Variants in TMED2 observed in about 807,000 individuals in gnomAD.
TMED2 encodes transmembrane emp24 domain-containing protein 2.
TMED2 carries 3 observed loss-of-function variants against 17.5 expected under a neutral mutation model. The ratio of observed to expected loss-of-function variants is 0.17; its 90% CI spans 0.08 to 0.44. TMED2 has a LOEUF of 0.44. TMED2 is among the 20% of genes least tolerant of loss of function. TMED2 has a pLI of 0.99. For synonymous variants in TMED2, 95 were observed against 91.0 expected (o/e 1.04, Z -0.25); for missense variants, 149 against 254.8 (o/e 0.58, Z 2.83).
intron 2 of TMED2, among the ~76,000 whole-genome samples, chr12:123,588,592 G>A (rs551797268): frequency 2.6e-4 from 39 of 152,240 alleles, no homozygotes; most frequent in African/African-American, 8.7e-4. Flanking sequence ...TCTTGCTTTT[G>A]CTTGTTAATG....
rs551282942 is a variant in TMED2 at position 123,585,001 on chromosome 12, C to T, written c.180+185C>T. On this transcript the variant is annotated intron_variant, in intron 1 of 3. Coordinates refer to ENST00000262225, the MANE Select transcript of TMED2 (RefSeq NM_006815.4). ...CGGCGACCTCCTAACGGCCCCTTTT[C>T]CCGCGACTTGCCTGGGTTCCGGGAT... 248 of 699,910 alleles carry T rather than the reference C, an allele frequency of 3.5e-4. 1 individual carries two copies. In the African/African-American group the frequency reaches 3.8e-3, roughly 11 times the overall value. 43.4% of individuals were successfully genotyped at this position (699,910 alleles called of 1,614,324 possible).
intron 2 of TMED2, 113 bp from the exon 3 acceptor site, chr12:123,590,229 G>A: frequency 4.3e-6 from 3 of 694,008 alleles, no homozygotes; most frequent in Non-Finnish European, 6.6e-6. Context: ...GTTGCAGTGA[G>A]CTGAGATTGA....
At chr12:123,587,689 A>G (rs1358872451) in intron 2 of TMED2, 4 of 1,236,170 alleles carry the variant, frequency 3.2e-6, no homozygotes, top group African/African-American at 3.2e-5. Flanking sequence ...GCTAATGTCT[A>G]ATTTCTGCTT....
chr12:123,594,528 CAGG>C (rs1953416116), intron 3 of TMED2, among the ~76,000 whole-genome samples: 1 of 152,252 alleles, frequency 6.6e-6, no homozygotes, highest in African/African-American at 2.4e-5. Flanking sequence ...GAGCCTGAGG[CAGG>C]AGGATTGTTT....
chr12:123,587,807 C>G (rs1287455024), intron 2 of TMED2, among the ~76,000 whole-genome samples: 1 of 152,004 alleles, frequency 6.6e-6, no homozygotes, highest in African/African-American at 2.4e-5. Flanking sequence ...ATTTCGTTGA[C>G]AGGAGGTATA....
At chr12:123,584,867 A>T in intron 1 of TMED2, 51 bp downstream of exon 1, 1 of 1,592,166 alleles carries the variant, frequency 6.3e-7, no homozygotes, top group Non-Finnish European at 8.5e-7. Flanking sequence ...CCACTCGGGG[A>T]TTGGTGGCAC....
In TMED2 at chr12:123,598,475, GAA is replaced by G. The variant is rs1342466811; in HGVS notation, c.*1749_*1750del. 6.6e-6 allele frequency: 1 copy of G among 152,210 alleles called. No individual in the cohort carries two copies. The highest frequency in any genetic ancestry group is 1.5e-5 in the Non-Finnish European group (1 of 68,042). The allele number at this position is 152,210 out of a possible 1,614,324, so 9.4% of individuals were successfully genotyped here. On this transcript the variant is annotated 3_prime_UTR_variant, in exon 4 of 4. Coordinates refer to ENST00000262225, the MANE Select transcript of TMED2 (RefSeq NM_006815.4). ...ATTAAATGATTTGCCCAAGGCCACA[GAA>G]AAGAGTGAAAGGTGGAACCGGAGAC...
chr12:123,597,944 T>C lies in TMED2; in HGVS notation c.*1215T>C, dbSNP rs963166570. On this transcript the variant is annotated 3_prime_UTR_variant, in exon 4 of 4. Transcript: ENST00000262225. ...TTGTTACAGGTTTTCATGTTCAGGA[T>C]AAACCATACTTCCACCTTGGGTGAG... The C allele has an allele frequency of 6.6e-6, 1 of 152,320 alleles. No individual in the cohort carries two copies. The highest frequency in any genetic ancestry group is 1.5e-5 in the Non-Finnish European group (1 of 67,998). The allele number at this position is 152,320 out of a possible 1,614,324, so 9.4% of individuals were successfully genotyped here. A position where few individuals can be genotyped will look rare whatever the true frequency, so the allele number is the denominator to read the frequency against.
chr12:123,597,665 AG>A lies in TMED2; in HGVS notation c.*939del, dbSNP rs993263841. On this transcript the variant is annotated 3_prime_UTR_variant, in exon 4 of 4. Transcript: ENST00000262225. ...GGTACTGACCATCAGTGTCAGCATT[AG>A]GGTTTTGGTTTTTGTTTCTTTTGGG... 6.3e-4 allele frequency: 96 copies of A among 152,574 alleles called. 1 individual carries two copies. The highest frequency in any genetic ancestry group is 2.3e-3 in the African/African-American group (95 of 41,434). The allele number at this position is 152,574 out of a possible 1,614,324, so 9.5% of individuals were successfully genotyped here.
rs572618551 is a variant in TMED2, at chr12:123,598,547, G to A, written c.*1818G>A. 4.6e-5 allele frequency: 7 copies of A among 152,130 alleles called. No homozygotes were observed. The highest frequency in any genetic ancestry group is 7.2e-5 in the African/African-American group (3 of 41,428). 9.4% of individuals were successfully genotyped at this position (152,130 alleles called of 1,614,324 possible). On this transcript the variant is annotated 3_prime_UTR_variant, in exon 4 of 4. Coordinates refer to ENST00000262225, the MANE Select transcript of TMED2 (RefSeq NM_006815.4). ...ACTGTTCTTCCTCTGTGAAACTAAC[G>A]GCCTGCTGGTAATAAAAGTAGCTAC...
At position 123,597,081 on chromosome 12, in the gene TMED2, T is replaced by C. The variant is rs1463826834; in HGVS notation, c.*352T>C. The C allele has an allele frequency of 6.4e-6, 1 of 155,748 alleles. No homozygotes were observed. The highest frequency in any genetic ancestry group is 1.9e-4 in the East Asian group (1 of 5,308). The allele number at this position is 155,748 out of a possible 1,614,324, so 9.6% of individuals were successfully genotyped here. ...TTCAGGAAATCAGCACAAAGCCTGA[T>C]AGTACTTTACTAAAATGACTGCATT... On this transcript the variant is annotated 3_prime_UTR_variant, in exon 4 of 4. Coordinates refer to ENST00000262225, the MANE Select transcript of TMED2 (RefSeq NM_006815.4).
intron 1 of TMED2, chr12:123,585,049 G>A (rs1886314265): frequency 3.8e-6 from 2 of 526,832 alleles, no homozygotes. Context: ...CCTTCGGCAT[G>A]CTTGGTTGCT....
intron 1 of TMED2, 24 bp from the exon 2 acceptor site, chr12:123,586,723 T>C: frequency 1.3e-6 from 2 of 1,561,694 alleles, no homozygotes; most frequent in Non-Finnish European, 1.7e-6. Flanking sequence ...TGTGACATTT[T>C]ATGCATTTCT....
intron 1 of TMED2, 138 bp downstream of exon 1, chr12:123,584,954 A>AC: frequency 6.6e-6 from 7 of 1,068,612 alleles, no homozygotes; most frequent in Non-Finnish European, 9.0e-6. Flanking sequence ...CCAGGCCGCC[A>AC]CCCCCCGCCC....
chr12:123,590,633 T>G (rs1290599437), intron 3 of TMED2, 184 bp downstream of exon 3: 1 of 412,464 alleles, frequency 2.4e-6, no homozygotes, highest in Non-Finnish European at 4.5e-6. Flanking sequence ...AGTTTATTAT[T>G]GGGACATTCA....
chr12:123,588,006 C>T (rs1440780374), intron 2 of TMED2, among the ~76,000 whole-genome samples: 1 of 152,064 alleles, frequency 6.6e-6, no homozygotes, highest in African/African-American at 2.4e-5. Context: ...ACTTCTTAAC[C>T]TGAAGCTTAG....
rs773757590 is a variant in TMED2 at position 123,586,615 on chromosome 12, G to A, written c.181-132G>A. On this transcript the variant is annotated intron_variant, in intron 1 of 3. Coordinates refer to ENST00000262225, the MANE Select transcript of TMED2 (RefSeq NM_006815.4). ...TCTGCCTGCCTTGGCCTCCCAAAGTGCTGTGATTACAGGCGTGAGCCACCA... is the reference window on the plus strand; with the variant it reads ...TCTGCCTGCCTTGGCCTCCCAAAGTACTGTGATTACAGGCGTGAGCCACCA... 6.4e-4 allele frequency: 558 copies of A among 869,036 alleles called. 12 individuals are homozygous for A. The highest frequency in any genetic ancestry group is 1.4e-4 in the Non-Finnish European group (86 of 603,952). The allele number at this position is 869,036 out of a possible 1,614,324, so 53.8% of individuals were successfully genotyped here.
chr12:123,591,546 G>A (rs1214599942), intron 3 of TMED2, among the ~76,000 whole-genome samples: 1 of 152,154 alleles, frequency 6.6e-6, no homozygotes, highest in Non-Finnish European at 1.5e-5. Context: ...CACTTTGGGA[G>A]GCTGAGGTGG....
At chr12:123,585,100 C>T (rs534744546) in intron 1 of TMED2, 4 of 366,086 alleles carry the variant, frequency 1.1e-5, no homozygotes, top group Non-Finnish European at 1.0e-5. Flanking sequence ...GTTGGAACCT[C>T]TCGCTGAGCT....
Sources: allele counts gnomAD v4.1 joint callset (sites outside exome capture counted in the v4.1 genomes callset), GRCh38; gene constraint gnomAD v4.1.1; transcripts MANE v1.5; gene names NCBI Gene and HGNC (gene_info 2026-07-23, HGNC 2026-07-21).